ZNF570: variants seen among roughly 807,000 people sequenced by gnomAD.
The protein encoded by ZNF570 is zinc finger protein 570.
In ZNF570, 8 loss-of-function variants were observed where a neutral mutation model predicts 14.2. The observed-to-expected ratio is 0.56, with a 90% CI of 0.33 to 1.02. The LOEUF is 1.02. Among genes scored for constraint, ZNF570 ranks in the 50% least tolerant of loss-of-function variants. The pLI, the probability that ZNF570 is intolerant of heterozygous loss-of-function variation, is 0.03. For missense variants in ZNF570, 559 were observed against 624.9 expected (o/e 0.89, Z 1.12); for synonymous variants, 202 against 207.6 (o/e 0.97, Z 0.23).
At chr19:37,471,199 G>C (rs1320144828) in intron 2 of ZNF570, among the ~76,000 whole-genome samples, 7 of 151,306 alleles carry the variant, frequency 4.6e-5, no homozygotes, top group African/African-American at 1.7e-4. Context: ...ATTTTTAGTA[G>C]AGACGGGATT....
chr19:37,469,752 T>C lies in ZNF570; in HGVS notation c.-52+195T>C, dbSNP rs917933363. The C allele has an allele frequency of 8.0e-5, 51 of 635,238 alleles. No homozygotes were observed. In the African/African-American group the frequency reaches 8.8e-4, roughly 11 times the overall value. 39.4% of individuals were successfully genotyped at this position (635,238 alleles called of 1,614,324 possible). A position where few individuals can be genotyped will look rare whatever the true frequency, so the allele number is the denominator to read the frequency against. ...TGGGTTGTGAGATTGTCGCTTGTGATAGATACCCTGGTGGCTGAGCCTTGC... is the reference window on the plus strand; with the variant it reads ...TGGGTTGTGAGATTGTCGCTTGTGACAGATACCCTGGTGGCTGAGCCTTGC... On this transcript the variant is annotated intron_variant, in intron 1 of 4. Transcript: ENST00000330173.
rs922862831 is a variant in ZNF570, at chr19:37,483,806, A to G, written c.257-73A>G. The stretch of plus-strand genomic sequence containing the variant: ...CTATTTAATTCACATATTTTACTTT[A>G]CAGATGTACTTTATTAAATGTACTT... On this transcript the variant is annotated intron_variant, in intron 4 of 4. Transcript: ENST00000330173. 7 of 1,432,712 alleles carry G rather than the reference A, an allele frequency of 4.9e-6. No individual in the cohort carries two copies. In the African/African-American group the frequency reaches 1.0e-4, roughly 20 times the overall value. The allele number at this position is 1,432,712 out of a possible 1,614,324, so 88.7% of individuals were successfully genotyped here.
intron 4 of ZNF570, among the ~76,000 whole-genome samples, chr19:37,476,746 G>GC (rs1365571833): frequency 3.3e-4 from 39 of 117,026 alleles, no homozygotes; most frequent in Non-Finnish European, 5.6e-4. Context: ...GTCTCGCTCT[G>GC]TCACCCAGGC....
chr19:37,470,126 G>T (rs1185057576), intron 1 of ZNF570, 178 bp from the exon 2 acceptor site: 1 of 545,856 alleles, frequency 1.8e-6, no homozygotes, highest in African/African-American at 1.9e-5. Context: ...CTAAGGAATT[G>T]GGAAATGATT....
At position 37,487,882 on chromosome 19, in the gene ZNF570, T is replaced by G. The variant is rs1430590889; in HGVS notation, c.*2649T>G. ...TTGGATTTGGGGGTATTACTAGTAGTAAGGGGATTCACTAGTAGTAAGGGA... is the reference window on the plus strand; with the variant it reads ...TTGGATTTGGGGGTATTACTAGTAGGAAGGGGATTCACTAGTAGTAAGGGA... On this transcript the variant is annotated 3_prime_UTR_variant, in exon 5 of 5. Coordinates refer to ENST00000330173, the MANE Select transcript of ZNF570 (RefSeq NM_144694.5). 1 of 152,104 alleles carries G rather than the reference T, an allele frequency of 6.6e-6. No homozygotes were observed. Among genetic ancestry groups the G allele is most frequent in the Non-Finnish European group, 1.5e-5 (1 of 68,028 alleles). 9.4% of individuals were successfully genotyped at this position (152,104 alleles called of 1,614,324 possible).
At chr19:37,468,057 T>A, upstream of ZNF570, 1 of 792,398 alleles carries the variant, frequency 1.3e-6, no homozygotes, top group Non-Finnish European at 2.0e-6. Context: ...ACTTAACTTC[T>A]CTATGCCTTT....
Position 37,484,514 on chromosome 19 carries a change from G to A in ZNF570, c.892G>A (p.Gly298Arg), listed in dbSNP as rs770530828. Reference protein sequence around the residue: ...HLVQHLRVHTGEKPYECKVCR... With the variant: ...HLVQHLRVHTREKPYECKVCR... Reference sequence around the variant, plus strand: ...AGTTCAACATCTGCGAGTTCATACTGGAGAAAAACCTTACGAATGTAAGGT... The same window carrying A: ...AGTTCAACATCTGCGAGTTCATACTAGAGAAAAACCTTACGAATGTAAGGT... The change falls in exon 5 of 5, where the codon GGA becomes AGA. Residue 298 changes from glycine to arginine, a missense_variant. Physicochemically the swap from Gly to Arg is moderately radical, Grantham distance 125. Coordinates refer to ENST00000330173, the MANE Select transcript of ZNF570 (RefSeq NM_144694.5). 1 of 1,613,988 alleles carries A rather than the reference G, an allele frequency of 6.2e-7. No homozygotes were observed.
chr19:37,480,796 C>T lies in ZNF570; in HGVS notation c.257-3083C>T, dbSNP rs893748359. ...GGTGAAACCCCGTCTCTACAAAATG[C>T]GAAAATTAGCTGGGTATGGGGTGTG... On this transcript the variant is annotated intron_variant, in intron 4 of 4. Coordinates refer to ENST00000330173, the MANE Select transcript of ZNF570 (RefSeq NM_144694.5). Among the ~76,000 whole-genome samples, 40 of 151,702 alleles carry T rather than the reference C, an allele frequency of 2.6e-4. 1 individual carries two copies. The highest frequency in any genetic ancestry group is 3.4e-3 in the Middle Eastern group (1 of 294).
intron 4 of ZNF570, among the ~76,000 whole-genome samples, chr19:37,480,797 G>A (rs7255996): frequency 0.27 from 40,739 of 151,480 alleles, 6,612 homozygotes; most frequent in African/African-American, 0.45. Flanking sequence ...TACAAAATGC[G>A]AAAATTAGCT....
rs1316250674 is a variant in ZNF570, at chr19:37,484,634, G to C, written c.1012G>C (p.Ala338Pro). Residue 338 changes from alanine to proline, a missense_variant, in exon 5 of 5, where the codon GCA becomes CCA. Ala to Pro is a conservative substitution (Grantham distance 27, BLOSUM62 -1). Transcript: ENST00000330173. ...KPYECIECGK[A>P]FSNRSSIAQH... ...CTATGAATGTATCGAATGTGGGAAAGCATTTAGCAACAGATCATCCATTGC... is the reference window on the plus strand; with the variant it reads ...CTATGAATGTATCGAATGTGGGAAACCATTTAGCAACAGATCATCCATTGC... The C allele has an allele frequency of 6.2e-6, 10 of 1,613,836 alleles. No individual in the cohort carries two copies. The highest frequency in any genetic ancestry group is 1.7e-5 in the Admixed American group (1 of 59,990).
intron 2 of ZNF570, among the ~76,000 whole-genome samples, chr19:37,473,122 T>G (rs2147005300): frequency 6.6e-6 from 1 of 152,170 alleles, no homozygotes. Flanking sequence ...GAAGGAGATC[T>G]TGAAGGTGTG....
At position 37,485,212 on chromosome 19, in the gene ZNF570, A is replaced by C. The variant is rs752457349; in HGVS notation, c.1590A>C (p.Pro530=). ...GGGAGTCACTGTCACCACCCAACCC[A>C]GTCAATCACCAAGTCCTATAGATCC... The part of the protein sequence containing the change: ...HIGESLSPPN[P]VNHQVL Residue 530 remains proline (P), a synonymous_variant, in exon 5 of 5, where the codon CCA becomes CCC. Coordinates refer to ENST00000330173, the MANE Select transcript of ZNF570 (RefSeq NM_144694.5). The C allele has an allele frequency of 1.9e-6, 3 of 1,554,660 alleles. No individual in the cohort carries two copies. Among genetic ancestry groups the C allele is most frequent in the Non-Finnish European group, 2.6e-6 (3 of 1,153,762 alleles).
chr19:37,488,434 C>A lies in ZNF570; in HGVS notation c.*3201C>A, dbSNP rs1381172847. ...AATAAAATAATCATCAGATTCAGAA[C>A]AGTGGTGACCTGCAGGGAGAAAGAC... On this transcript the variant is annotated 3_prime_UTR_variant, in exon 5 of 5. Coordinates refer to ENST00000330173, the MANE Select transcript of ZNF570 (RefSeq NM_144694.5). The A allele has an allele frequency of 6.6e-6, 1 of 152,094 alleles. No homozygotes were observed. The highest frequency in any genetic ancestry group is 2.4e-5 in the African/African-American group (1 of 41,416). The allele number at this position is 152,094 out of a possible 1,614,324, so 9.4% of individuals were successfully genotyped here.
Position 37,469,541 on chromosome 19 carries a change from C to T in ZNF570, c.-68C>T, listed in dbSNP as rs2041918347. ...AGCTCGTCGCAGGCCATCTGTGTGACTCCGGTGCGAGTGGAGGTTGGTACC... is the reference window on the plus strand; with the variant it reads ...AGCTCGTCGCAGGCCATCTGTGTGATTCCGGTGCGAGTGGAGGTTGGTACC... On this transcript the variant is annotated 5_prime_UTR_variant, in exon 1 of 5. Coordinates refer to ENST00000330173, the MANE Select transcript of ZNF570 (RefSeq NM_144694.5). The T allele has an allele frequency of 1.3e-6, 2 of 1,536,426 alleles. No individual in the cohort carries two copies. The highest frequency in any genetic ancestry group is 1.7e-6 in the Non-Finnish European group (2 of 1,146,892).
intron 4 of ZNF570, among the ~76,000 whole-genome samples, chr19:37,479,834 GT>G (rs1003763488): frequency 1.3e-5 from 2 of 152,016 alleles, no homozygotes; most frequent in Admixed American, 1.3e-4. Flanking sequence ...ACTTGATGTA[GT>G]TTTTTCCTAC....
At chr19:37,480,501 CA>C (rs2042075060) in intron 4 of ZNF570, among the ~76,000 whole-genome samples, 1 of 151,902 alleles carries the variant, frequency 6.6e-6, no homozygotes, top group East Asian at 1.9e-4. Context: ...CAAAACAAAA[CA>C]AAACACCAAG....
intron 1 of ZNF570, 95 bp downstream of exon 1, chr19:37,469,652 G>A (rs1336107730): frequency 1.0e-5 from 13 of 1,298,252 alleles, no homozygotes; most frequent in Non-Finnish European, 7.4e-6. Flanking sequence ...TGGAATGTGA[G>A]GCTGTGAGTT....
At chr19:37,483,667 T>C (rs2147022948) in intron 4 of ZNF570, among the ~76,000 whole-genome samples, 1 of 152,342 alleles carries the variant, frequency 6.6e-6, no homozygotes, top group South Asian at 2.1e-4. Flanking sequence ...TGAGATTTAC[T>C]GATTTTTCTT....
chr19:37,468,094 GT>G, upstream of ZNF570: 3 of 663,412 alleles, frequency 4.5e-6, no homozygotes, highest in Non-Finnish European at 7.5e-6. Flanking sequence ...TGTTTGTTTT[GT>G]TTTTTTTGAG....
Sources: allele counts gnomAD v4.1 joint callset (sites outside exome capture counted in the v4.1 genomes callset), GRCh38; gene constraint gnomAD v4.1.1; transcripts MANE v1.5; gene names NCBI Gene and HGNC (gene_info 2026-07-23, HGNC 2026-07-21).